Variants in MCTP2 observed in about 807,000 individuals in gnomAD.
MCTP2 encodes multiple C2 and transmembrane domain containing 2, also known as multiple C2 and transmembrane domain-containing protein 2.
In MCTP2, 132 loss-of-function variants were observed where a neutral mutation model predicts 111.6. That is an observed-to-expected ratio of 1.18 (90% CI 1.03 to 1.37). MCTP2 has a LOEUF of 1.37. Ranked by LOEUF, MCTP2 falls within the 40% of genes most tolerant of loss-of-function variation. The probability of loss-of-function intolerance (pLI) is 0.00; values close to 1 mark genes in which losing one functional copy is unlikely to be tolerated. For missense variants in MCTP2, 1,183 were observed against 1,067.9 expected (o/e 1.11, Z -1.50); for synonymous variants, 395 against 387.7 (o/e 1.02, Z -0.22).
At chr15:94,387,209 TTAATCAGGG>T (rs1407769114) in intron 14 of MCTP2, among the ~76,000 whole-genome samples, 1 of 151,804 alleles carries the variant, frequency 6.6e-6, no homozygotes, top group Non-Finnish European at 1.5e-5. Context: ...TACCTCCAGC[TTAATCAGGG>T]TTTCTCAGTC....
intron 17 of MCTP2, among the ~76,000 whole-genome samples, chr15:94,429,768 A>G (rs541074653): frequency 1.3e-5 from 2 of 152,240 alleles, no homozygotes; most frequent in East Asian, 1.9e-4. Context: ...GTATCTAACC[A>G]TAACCTCTAC....
At chr15:94,456,590 A>G (rs1380740828) in intron 19 of MCTP2, among the ~76,000 whole-genome samples, 1 of 152,244 alleles carries the variant, frequency 6.6e-6, no homozygotes, top group Non-Finnish European at 1.5e-5. Context: ...CTCTGGCAGC[A>G]TATCTAATTT....
At chr15:94,476,230 C>T (rs1465348917) in intron 21 of MCTP2, 1 of 153,304 alleles carries the variant, frequency 6.5e-6, no homozygotes. Flanking sequence ...CCAGAGCCTC[C>T]AAGCAGGGAC....
At chr15:94,255,802 G>T (rs1372044728) in intron 1 of MCTP2, among the ~76,000 whole-genome samples, 2 of 152,196 alleles carry the variant, frequency 1.3e-5, no homozygotes, top group East Asian at 3.8e-4. Context: ...GTAGAGCTAG[G>T]AAAGTTGGTA....
At chr15:94,289,455 C>G (rs954289917) in intron 1 of MCTP2, among the ~76,000 whole-genome samples, 15 of 151,586 alleles carry the variant, frequency 9.9e-5, no homozygotes, top group African/African-American at 3.6e-4. Flanking sequence ...AGACCTGACA[C>G]AAAATAACAA....
chr15:94,440,279 G>A lies in MCTP2; in HGVS notation c.2189G>A (p.Ser730Asn). 1 of 1,614,106 alleles carries A rather than the reference G, an allele frequency of 6.2e-7. No homozygotes were observed. The highest frequency in any genetic ancestry group is 8.5e-7 in the Non-Finnish European group (1 of 1,179,990). Residue 730 changes from serine to asparagine, a missense_variant, in exon 18 of 23, where the codon AGC becomes AAC. Ser to Asn is a conservative substitution (Grantham distance 46). Coordinates refer to ENST00000357742, the MANE Select transcript of MCTP2 (RefSeq NM_001385001.1). ...NFIRPVKGKV[S>N]SIQDSQESTD... The stretch of plus-strand genomic sequence containing the variant: ...ATCAGACCTGTGAAAGGCAAGGTCA[G>A]CAGCATCCAGGACAGCCAGGTAAGC...
chr15:94,330,744 G>GTTTT (rs1021367616), intron 4 of MCTP2, among the ~76,000 whole-genome samples: 3 of 143,868 alleles, frequency 2.1e-5, no homozygotes, highest in African/African-American at 8.9e-5. Flanking sequence ...TTGTTTGTTT[G>GTTTT]TTTGTTTTGA....
At chr15:94,468,854 C>T (rs1204180344) in intron 20 of MCTP2, among the ~76,000 whole-genome samples, 2 of 152,140 alleles carry the variant, frequency 1.3e-5, no homozygotes, top group Non-Finnish European at 2.9e-5. Context: ...TCTTGAACTT[C>T]TGAGCTCAAG....
chr15:94,481,724 T>C lies in MCTP2; in HGVS notation c.*2690T>C, dbSNP rs1347598617. 1 of 152,284 alleles carries C rather than the reference T, an allele frequency of 6.6e-6. No individual in the cohort carries two copies. The highest frequency in any genetic ancestry group is 2.4e-5 in the African/African-American group (1 of 41,470). The allele number at this position is 152,284 out of a possible 1,614,324, so 9.4% of individuals were successfully genotyped here. A position where few individuals can be genotyped will look rare whatever the true frequency, so the allele number is the denominator to read the frequency against. ...ATATCTTTCTGGCATCTGCCATACA[T>C]CATAAGAGGCTTTGACCACTGTCCT... On this transcript the variant is annotated 3_prime_UTR_variant, in exon 23 of 23. Coordinates refer to ENST00000357742, the MANE Select transcript of MCTP2 (RefSeq NM_001385001.1).
intron 6 of MCTP2, 59 bp downstream of exon 6, chr15:94,340,334 T>G (rs1252778326): frequency 5.0e-6 from 6 of 1,208,814 alleles, no homozygotes; most frequent in Non-Finnish European, 7.4e-6. Flanking sequence ...CTTACGATAA[T>G]GTTAAATGGT....
chr15:94,309,735 C>G (rs1040290863), intron 2 of MCTP2, among the ~76,000 whole-genome samples: 1 of 152,116 alleles, frequency 6.6e-6, no homozygotes, highest in Non-Finnish European at 1.5e-5. Context: ...TATTTGCATT[C>G]TTATGGTAGG....
intron 11 of MCTP2, among the ~76,000 whole-genome samples, chr15:94,368,610 A>G (rs566127852): frequency 1.3e-5 from 2 of 152,288 alleles, no homozygotes; most frequent in South Asian, 2.1e-4. Context: ...ATAATTCTGT[A>G]TCTTCGGGAG....
intron 1 of MCTP2, among the ~76,000 whole-genome samples, chr15:94,257,563 T>TTTG (rs1303012071): frequency 0.014 from 1,016 of 71,786 alleles, 8 homozygotes; most frequent in African/African-American, 0.034. Flanking sequence ...TGTCATTTTC[T>TTTG]TTGTTGTTTT....
At chr15:94,268,021 A>C (rs1181270606) in intron 1 of MCTP2, among the ~76,000 whole-genome samples, 2 of 150,248 alleles carry the variant, frequency 1.3e-5, no homozygotes, top group Non-Finnish European at 3.0e-5. Context: ...GCCCGCCACC[A>C]CACCTGGCTA....
chr15:94,402,860 G>A lies in MCTP2; in HGVS notation c.2085+841G>A, dbSNP rs185601647. On this transcript the variant is annotated intron_variant, in intron 17 of 22. Transcript: ENST00000357742. Reference sequence around the variant, plus strand: ...AATACGAGGTATGAGTGGTCTAAGAGTGTGAATATCAGTCATGATCATTGG... The same window carrying A: ...AATACGAGGTATGAGTGGTCTAAGAATGTGAATATCAGTCATGATCATTGG... 1.1e-3 allele frequency: 1,343 copies of A among 1,209,096 alleles called. 6 individuals carry two copies. The African/African-American group carries it at 0.014, about 12-fold the overall frequency. The allele number at this position is 1,209,096 out of a possible 1,614,324, so 74.9% of individuals were successfully genotyped here.
chr15:94,326,818 AC>A (rs1278463635), intron 4 of MCTP2, among the ~76,000 whole-genome samples: 6 of 45,326 alleles, frequency 1.3e-4, no homozygotes, highest in Non-Finnish European at 2.5e-4. Flanking sequence ...TCCCCGCCCC[AC>A]CCCCCCCCAA....
chr15:94,262,741 G>A (rs1011242272), intron 1 of MCTP2, among the ~76,000 whole-genome samples: 7 of 151,978 alleles, frequency 4.6e-5, no homozygotes, highest in African/African-American at 1.7e-4. Flanking sequence ...AGTGATCTCG[G>A]CTCACTGCAA....
At chr15:94,407,605 T>TA in intron 17 of MCTP2, among the ~76,000 whole-genome samples, 1 of 152,170 alleles carries the variant, frequency 6.6e-6, no homozygotes, top group East Asian at 1.9e-4. Context: ...TCAATAAAGT[T>TA]AAAAAATACA....
chr15:94,428,984 C>G (rs2083025249), intron 17 of MCTP2, among the ~76,000 whole-genome samples: 1 of 152,092 alleles, frequency 6.6e-6, no homozygotes, highest in Non-Finnish European at 1.5e-5. Flanking sequence ...ATAATCCACT[C>G]TCCTTTTCAC....
Sources: gnomAD v4.1 joint callset for allele counts (sites outside exome capture counted in the v4.1 genomes callset) on GRCh38, gnomAD v4.1.1 for gene constraint, MANE v1.5 for transcripts, NCBI Gene and HGNC (gene_info 2026-07-23, HGNC 2026-07-21) for gene names.